TRANK1: variants seen among roughly 807,000 people sequenced by gnomAD.
The protein encoded by TRANK1 is tetratricopeptide repeat and ankyrin repeat containing 1.
A neutral mutation model predicts 266.0 loss-of-function variants in TRANK1; 198 were observed. The observed-to-expected ratio is 0.74, with a 90% CI of 0.66 to 0.84. The LOEUF (loss-of-function observed/expected upper bound fraction) is 0.84, where lower values mean the gene tolerates loss of function less well. TRANK1 is among the 40% of genes least tolerant of loss of function. The pLI is 0.00. For missense variants in TRANK1, 3,326 were observed against 3,634.6 expected, an observed-to-expected ratio of 0.92 and a Z score of 2.18; for synonymous variants, 1,396 against 1,384.1, an observed-to-expected ratio of 1.01 and a Z score of -0.19.
At chr3:36,944,590 C>T (rs1263448176) in intron 1 of TRANK1, among the ~76,000 whole-genome samples, 197 bp downstream of exon 1, 1 of 152,132 alleles carries the variant, frequency 6.6e-6, no homozygotes, top group Non-Finnish European at 1.5e-5. Context: ...AGGCCGAAGC[C>T]GTCCCCCGCG....
At chr3:36,829,803 G>A (rs2078671593) in intron 22 of TRANK1, 141 bp from the exon 23 acceptor site, 5 of 796,446 alleles carry the variant, frequency 6.3e-6, no homozygotes, top group Non-Finnish European at 1.0e-5. Context: ...TCGGGTAAGG[G>A]ACCCAAAGCT....
chr3:36,842,265 A>C lies in TRANK1; in HGVS notation c.5280+357T>G, dbSNP rs140583426. Among the ~76,000 whole-genome samples, 33 of 152,380 alleles carry C rather than the reference A, an allele frequency of 2.2e-4. No individual in the cohort carries two copies. The East Asian group carries it at 6.2e-3, about 28-fold the overall frequency. ...AATCAAATGAAAGATCAAATGAAAG[A>C]TCTTTTACTGCTTTAAAATGCAGTA... On this transcript the variant is annotated intron_variant, in intron 18 of 23. Transcript: ENST00000645898.
At chr3:36,935,785 A>T (rs530509093) in intron 1 of TRANK1, among the ~76,000 whole-genome samples, 1 of 152,304 alleles carries the variant, frequency 6.6e-6, no homozygotes, top group African/African-American at 2.4e-5. Flanking sequence ...AGTCTTAGTA[A>T]GTCTTACTAT....
intron 16 of TRANK1, 24 bp from the exon 17 acceptor site, chr3:36,846,428 G>A (rs756495799): frequency 5.6e-6 from 9 of 1,597,038 alleles, no homozygotes; most frequent in Non-Finnish European, 7.7e-6. Flanking sequence ...TGAGGACAAA[G>A]ATGATGAGCC....
At position 36,833,095 on chromosome 3, in the gene TRANK1, T is replaced by C; in HGVS notation, c.6488A>G (p.Gln2163Arg). 1.2e-6 allele frequency: 2 copies of C among 1,612,606 alleles called. No individual in the cohort carries two copies. Among genetic ancestry groups the C allele is most frequent in the Non-Finnish European group, 1.7e-6 (2 of 1,179,190 alleles). The change falls in exon 22 of 24, where the codon CAA (glutamine) becomes CGA (arginine). Residue 2163 changes from glutamine (Q) to arginine (R), a missense_variant. By Grantham distance (43) the Gln-to-Arg change is conservative. Transcript: ENST00000645898. ...TKDHFLIMTD[Q>R]VKLALNKHLL... The stretch of plus-strand genomic sequence containing the variant: ...GTGTTTGTTTAGGGCTAATTTCACT[T>C]GGTCAGTCATTATCAAAAAATGATC...
At chr3:36,878,890 G>C (rs535044528) in intron 8 of TRANK1, among the ~76,000 whole-genome samples, 1 of 152,086 alleles carries the variant, frequency 6.6e-6, no homozygotes, top group East Asian at 1.9e-4. Context: ...TTCCTCATCT[G>C]GATAGGGAGG....
intron 18 of TRANK1, 129 bp from the exon 19 acceptor site, chr3:36,838,845 A>T: frequency 1.2e-6 from 1 of 850,178 alleles, no homozygotes; most frequent in Non-Finnish European, 1.8e-6. Flanking sequence ...TCTGAGAAGG[A>T]GGAGCAGGAA....
intron 9 of TRANK1, among the ~76,000 whole-genome samples, chr3:36,870,962 TAAA>T (rs563787088): frequency 1.2e-3 from 79 of 65,100 alleles, no homozygotes; most frequent in African/African-American, 4.1e-3. Context: ...ACAAGGAAAC[TAAA>T]AAAAAAAAAA....
intron 1 of TRANK1, chr3:36,929,549 CT>C (rs1553632005): frequency 2.6e-5 from 4 of 152,172 alleles, no homozygotes; most frequent in Non-Finnish European, 5.9e-5. Context: ...ATAAAAGTGG[CT>C]TTTTAAGTAA....
rs146801662 is a variant in TRANK1 at position 36,856,106 on chromosome 3, G to T, written c.3616C>A (p.Gln1206Lys). 4.6e-4 allele frequency: 737 copies of T among 1,613,746 alleles called. 4 individuals carry two copies. In the African/African-American group the frequency reaches 8.9e-3, roughly 20 times the overall value. Residue 1206 changes from glutamine (Q) to lysine (K), a missense_variant, in exon 13 of 24, where the codon CAA becomes AAA. Physicochemically the swap from Gln to Lys is moderately conservative, Grantham distance 53. Coordinates refer to ENST00000645898, the MANE Select transcript of TRANK1 (RefSeq NM_001329998.2). ...TKNHVLCQEV[Q>K]RNFIELSKST... ...TTGGAAAGCTCAATGAAATTCCTTT[G>T]TACCTCCTGGCACAGCACATGGTTC...
intron 7 of TRANK1, among the ~76,000 whole-genome samples, chr3:36,890,758 G>A (rs548520106): frequency 2.1e-4 from 32 of 152,214 alleles, no homozygotes; most frequent in African/African-American, 7.0e-4. Flanking sequence ...GGAAAGCCAC[G>A]CACCTCTGCC....
intron 8 of TRANK1, among the ~76,000 whole-genome samples, chr3:36,884,933 G>GAAA (rs201019383): frequency 1.8e-5 from 2 of 109,584 alleles, no homozygotes; most frequent in African/African-American, 3.2e-5. Flanking sequence ...CTCTGTCTCA[G>GAAA]AAAAAAAAAA....
In TRANK1 at chr3:36,879,573, AATAT is replaced by A. The variant is rs1199484644; in HGVS notation, c.908-5281_908-5278del. Among the ~76,000 whole-genome samples, 2 of 108,092 alleles carry A rather than the reference AATAT, an allele frequency of 1.9e-5. 1 individual carries two copies. Among genetic ancestry groups the A allele is most frequent in the Non-Finnish European group, 3.5e-5 (2 of 57,418 alleles). The allele number at this position is 108,092 out of a possible 152,430, so 70.9% of individuals were successfully genotyped here. ...ATCTATATAAATATATAAATATATA[AATAT>A]ATATAAATATACAAATATATAAATA... On this transcript the variant is annotated intron_variant, in intron 8 of 23. Coordinates refer to ENST00000645898, the MANE Select transcript of TRANK1 (RefSeq NM_001329998.2).
At chr3:36,922,557 A>G (rs1296041164) in intron 1 of TRANK1, among the ~76,000 whole-genome samples, 1 of 152,166 alleles carries the variant, frequency 6.6e-6, no homozygotes, top group African/African-American at 2.4e-5. Context: ...GTGAGCCGAG[A>G]TCATGCCACT....
intron 23 of TRANK1, 108 bp downstream of exon 23, chr3:36,829,456 C>G: frequency 1.0e-6 from 1 of 986,668 alleles, no homozygotes; most frequent in Non-Finnish European, 1.6e-6. Context: ...TGAGAGTCCA[C>G]TATTGACATC....
chr3:36,837,654 C>A (rs368524309), intron 20 of TRANK1, among the ~76,000 whole-genome samples: 9 of 152,214 alleles, frequency 5.9e-5, no homozygotes, highest in Non-Finnish European at 4.4e-5. Context: ...ATTATCACCA[C>A]TTGGATGTCA....
chr3:36,916,347 CG>C (rs2080123713), intron 1 of TRANK1, among the ~76,000 whole-genome samples: 2 of 152,122 alleles, frequency 1.3e-5, no homozygotes, highest in African/African-American at 2.4e-5. Context: ...GGGCAGATCA[CG>C]AGGTCAGGAG....
At chr3:36,846,108 TAAC>T (rs1283744423) in intron 17 of TRANK1, 137 bp downstream of exon 17, 1 of 978,828 alleles carries the variant, frequency 1.0e-6, no homozygotes, top group Non-Finnish European at 1.5e-6. Context: ...GGCAAATGTG[TAAC>T]AACTTCCATT....
chr3:36,938,402 A>G (rs968382587), intron 1 of TRANK1, among the ~76,000 whole-genome samples: 9 of 151,892 alleles, frequency 5.9e-5, no homozygotes, highest in African/African-American at 1.9e-4. Flanking sequence ...TATTTTTAGT[A>G]GAGACAGGGT....
Sources: allele counts gnomAD v4.1 joint callset (sites outside exome capture counted in the v4.1 genomes callset), GRCh38; gene constraint gnomAD v4.1.1; transcripts MANE v1.5; gene names NCBI Gene and HGNC (gene_info 2026-07-23, HGNC 2026-07-21).